Variants in PARP8 observed in about 807,000 individuals in gnomAD.
PARP8 encodes poly(ADP-ribose) polymerase family member 8.
A neutral mutation model predicts 124.1 loss-of-function variants in PARP8; 51 were observed. That is an observed-to-expected ratio of 0.41 (90% CI 0.33 to 0.52). The LOEUF is 0.52. Ranked by LOEUF, PARP8 falls within the 20% of genes least tolerant of loss-of-function variation. PARP8 has a pLI of 0.21. For synonymous variants in PARP8, 391 were observed against 361.5 expected (o/e 1.08, Z -0.93); for missense variants, 860 against 1,018.9 (o/e 0.84, Z 2.12).
intron 2 of PARP8, among the ~76,000 whole-genome samples, chr5:50,672,705 A>G (rs1206504085): frequency 2.0e-5 from 3 of 152,096 alleles, no homozygotes; most frequent in African/African-American, 4.8e-5. Flanking sequence ...TGATCAAGCA[A>G]ACTTTCTAGG....
At chr5:50,803,079 A>G (rs1368849234) in intron 14 of PARP8, among the ~76,000 whole-genome samples, 1 of 152,156 alleles carries the variant, frequency 6.6e-6, no homozygotes, top group Non-Finnish European at 1.5e-5. Flanking sequence ...TGCTGGGTAT[A>G]GAATTCATGG....
chr5:50,789,331 A>G (rs1256186855), intron 10 of PARP8, among the ~76,000 whole-genome samples: 1 of 149,954 alleles, frequency 6.7e-6, no homozygotes, highest in Admixed American at 6.6e-5. Context: ...TAAATAGAGA[A>G]CACTGATAAA....
In PARP8 at chr5:50,763,330, G is replaced by T; in HGVS notation, c.518+88G>T. The T allele has an allele frequency of 2.9e-6, 3 of 1,025,538 alleles. No individual in the cohort carries two copies. In the South Asian group the frequency reaches 4.2e-5, roughly 14 times the overall value. 63.5% of individuals were successfully genotyped at this position (1,025,538 alleles called of 1,614,324 possible). A position where few individuals can be genotyped will look rare whatever the true frequency, so the allele number is the denominator to read the frequency against. ...TGGAGTAATTTAAAGGAAAAATTTG[G>T]GGTTTTAATTGTATTTTAAAGTGTT... On this transcript the variant is annotated intron_variant, in intron 7 of 25. Coordinates refer to ENST00000281631, the MANE Select transcript of PARP8 (RefSeq NM_024615.4).
rs1425621708 is a variant in PARP8 at position 50,798,674 on chromosome 5, G to A, written c.1575+1441G>A. 3.9e-5 allele frequency among the ~76,000 whole-genome samples: 6 copies of A among 152,064 alleles called. No individual in the cohort carries two copies. The East Asian group carries it at 5.8e-4, about 15-fold the overall frequency. On this transcript the variant is annotated intron_variant, in intron 14 of 25. Transcript: ENST00000281631. ...CCTGACCTTGTGATTCACCAGCCTC[G>A]GCCTCCCAAAGTGTTGGAATTACAG...
chr5:50,763,021 A>G (rs1406720922), intron 6 of PARP8, 127 bp from the exon 7 acceptor site: 4 of 627,352 alleles, frequency 6.4e-6, no homozygotes, highest in Non-Finnish European at 1.1e-5. Flanking sequence ...ATATTAGTGA[A>G]TATATTACTT....
At chr5:50,765,597 A>G (rs1399248168) in intron 7 of PARP8, among the ~76,000 whole-genome samples, 1 of 152,202 alleles carries the variant, frequency 6.6e-6, no homozygotes, top group African/African-American at 2.4e-5. Flanking sequence ...TTCACTTGTA[A>G]TAGTTTTGAT....
intron 2 of PARP8, among the ~76,000 whole-genome samples, chr5:50,720,741 T>TACCATGCA (rs56006136): frequency 6.6e-6 from 1 of 151,486 alleles, no homozygotes; most frequent in Non-Finnish European, 1.5e-5. Context: ...GTAACTGCCA[T>TACCATGCA]ACTCCTGACG....
At chr5:50,717,591 G>A (rs537816134) in intron 2 of PARP8, among the ~76,000 whole-genome samples, 13 of 151,950 alleles carry the variant, frequency 8.6e-5, no homozygotes, top group African/African-American at 2.9e-4. Flanking sequence ...ATCTGTGCAA[G>A]CAGAGAAAAA....
chr5:50,678,760 T>C (rs1750931863), intron 2 of PARP8, among the ~76,000 whole-genome samples: 1 of 152,162 alleles, frequency 6.6e-6, no homozygotes. Context: ...AGGCAGACCT[T>C]TCTTGGAAAT....
chr5:50,686,666 A>C (rs554312361), intron 2 of PARP8, among the ~76,000 whole-genome samples: 1 of 152,278 alleles, frequency 6.6e-6, no homozygotes, highest in East Asian at 1.9e-4. Context: ...AGGCATTTCC[A>C]TACATCCTCT....
chr5:50,695,256 G>A (rs1438409764), intron 2 of PARP8, among the ~76,000 whole-genome samples: 1 of 152,222 alleles, frequency 6.6e-6, no homozygotes, highest in East Asian at 1.9e-4. Context: ...TGTAGCAAGT[G>A]CCTTGGTAAT....
chr5:50,791,109 T>C (rs1346078091), intron 10 of PARP8, among the ~76,000 whole-genome samples: 1 of 152,232 alleles, frequency 6.6e-6, no homozygotes, highest in Non-Finnish European at 1.5e-5. Flanking sequence ...TGTTATCAGT[T>C]GGTTTTCAGT....
intron 2 of PARP8, 141 bp from the exon 3 acceptor site, chr5:50,750,010 C>T (rs2149551521): frequency 1.5e-6 from 1 of 677,094 alleles, no homozygotes; most frequent in Non-Finnish European, 2.5e-6. Flanking sequence ...AAGTGGTTTT[C>T]TAATCTGTTT....
At chr5:50,752,809 A>G (rs1212957277) in intron 3 of PARP8, among the ~76,000 whole-genome samples, 4 of 152,070 alleles carry the variant, frequency 2.6e-5, no homozygotes, top group Admixed American at 1.3e-4. Flanking sequence ...GTTTGAACAT[A>G]TGAAATTTTC....
rs10072398 is a variant in PARP8 at position 50,688,039 on chromosome 5, A to T, written c.146+19914A>T. On this transcript the variant is annotated intron_variant, in intron 2 of 25. Transcript: ENST00000281631. ...CTGTGTTTTAATTTATGTAGAGATG[A>T]TGTCTTGCTGTGTTGCCCAGGCTTG... is the stretch of plus-strand genomic sequence containing the variant. Among the ~76,000 whole-genome samples the T allele has an allele frequency of 7.5e-3, 1,146 of 152,200 alleles. 7 individuals are homozygous for T. Among genetic ancestry groups the T allele is most frequent in the East Asian group, 0.039 (200 of 5,172 alleles).
intron 9 of PARP8, among the ~76,000 whole-genome samples, chr5:50,785,397 TA>T (rs1741137196): frequency 6.6e-6 from 1 of 152,174 alleles, no homozygotes; most frequent in Non-Finnish European, 1.5e-5. Context: ...TTTTCTCCGG[TA>T]AAGGCATTAG....
At chr5:50,705,101 T>G (rs991598886) in intron 2 of PARP8, among the ~76,000 whole-genome samples, 3 of 152,208 alleles carry the variant, frequency 2.0e-5, no homozygotes, top group Non-Finnish European at 4.4e-5. Context: ...AGATTGAAAT[T>G]TTAAAAGTAA....
At chr5:50,732,785 A>C (rs950512047) in intron 2 of PARP8, among the ~76,000 whole-genome samples, 1 of 151,432 alleles carries the variant, frequency 6.6e-6, no homozygotes, top group Non-Finnish European at 1.5e-5. Context: ...CGCTCGGCTA[A>C]TTTTTTGTAT....
At chr5:50,805,749 T>A (rs1212673968) in intron 14 of PARP8, among the ~76,000 whole-genome samples, 1 of 152,116 alleles carries the variant, frequency 6.6e-6, no homozygotes, top group Non-Finnish European at 1.5e-5. Context: ...ATCTGTCAGA[T>A]ATTTTATTTT....
Sources: gnomAD v4.1 joint callset for allele counts (sites outside exome capture counted in the v4.1 genomes callset) on GRCh38, gnomAD v4.1.1 for gene constraint, MANE v1.5 for transcripts, NCBI Gene and HGNC (gene_info 2026-07-23, HGNC 2026-07-21) for gene names.